TRIO: variants seen among roughly 807,000 people sequenced by gnomAD.
The protein encoded by TRIO is triple functional domain protein.
Under a neutral mutation model 351.9 loss-of-function variants are expected in TRIO, and 58 were observed. The ratio of observed to expected loss-of-function variants is 0.16; its 90% CI spans 0.13 to 0.21. The LOEUF is 0.21. Ranked by LOEUF, TRIO falls within the 10% of genes least tolerant of loss-of-function variation. The pLI, the probability that TRIO is intolerant of heterozygous loss-of-function variation, is 1.00. For missense variants in TRIO, 3,201 were observed against 4,027.8 expected (o/e 0.79, Z 5.56); for synonymous variants, 1,758 against 1,595.7 (o/e 1.10, Z -2.42).
chr5:14,508,003 G>A lies in TRIO; in HGVS notation c.8875G>A (p.Ala2959Thr), dbSNP rs780863165. The A allele has an allele frequency of 2.0e-5, 32 of 1,614,036 alleles. No individual in the cohort carries two copies. Among genetic ancestry groups the A allele is most frequent in the African/African-American group, 1.6e-4 (12 of 74,912 alleles). ...IHQLLGNPEF[A>T]APEIILGNPV... ...CCAGTTACTGGGGAACCCTGAATTC[G>A]CAGCCCCTGAAATCATCCTCGGGAA... The change falls in exon 57 of 57, where the codon GCA becomes ACA. Residue 2959 changes from alanine to threonine, a missense_variant. This residue lies in a region of TRIO where 233 missense variants were observed against 292.6 expected (regional missense o/e 0.80). Coordinates refer to ENST00000344204, the MANE Select transcript of TRIO (RefSeq NM_007118.4).
chr5:14,334,165 G>A lies in TRIO; in HGVS notation c.1855-2371G>A, dbSNP rs559223819. On this transcript the variant is annotated intron_variant, in intron 10 of 56. Coordinates refer to ENST00000344204, the MANE Select transcript of TRIO (RefSeq NM_007118.4). Reference sequence around the variant, plus strand: ...GTAGTATCCATGTCCTGCCGCTTTTGTGAGGCACAGTGTTAAGTGCCAAAA... The same window carrying A: ...GTAGTATCCATGTCCTGCCGCTTTTATGAGGCACAGTGTTAAGTGCCAAAA... Among the ~76,000 whole-genome samples the A allele has an allele frequency of 4.6e-5, 7 of 152,328 alleles. No homozygotes were observed. In the East Asian group the frequency reaches 1.4e-3, roughly 29 times the overall value.
intron 34 of TRIO, chr5:14,441,234 T>TC (rs1336664013): frequency 6.5e-6 from 1 of 152,736 alleles, no homozygotes; most frequent in Non-Finnish European, 1.5e-5. Context: ...TAGCCTCCAG[T>TC]CGGCTCCAGT....
intron 47 of TRIO, 84 bp downstream of exon 47, chr5:14,485,330 A>C (rs1376002566): frequency 1.4e-6 from 2 of 1,412,584 alleles, no homozygotes; most frequent in African/African-American, 2.9e-5. Flanking sequence ...ATTCATATCC[A>C]TAGTAATGAC....
At chr5:14,374,966 C>T (rs1317600388) in intron 19 of TRIO, among the ~76,000 whole-genome samples, 1 of 151,950 alleles carries the variant, frequency 6.6e-6, no homozygotes, top group East Asian at 1.9e-4. Context: ...GTAACTTTGA[C>T]CAGGGATACA....
At chr5:14,424,911 G>A (rs1447459801) in intron 34 of TRIO, among the ~76,000 whole-genome samples, 1 of 152,180 alleles carries the variant, frequency 6.6e-6, no homozygotes, top group Non-Finnish European at 1.5e-5. Context: ...CACCCGAATA[G>A]TTTACTTTTC....
At position 14,405,891 on chromosome 5, in the gene TRIO, G is replaced by A. The variant is rs753950455; in HGVS notation, c.4760G>A (p.Arg1587His). The A allele has an allele frequency of 3.1e-6, 5 of 1,613,826 alleles. No individual in the cohort carries two copies. The highest frequency in any genetic ancestry group is 1.1e-5 in the South Asian group (1 of 91,058). ...AAGCAGGACTGGATAAAGCATATCCGCGAAGTCATCCAGGAGCGGACGATC... is the reference window on the plus strand; with the variant it reads ...AAGCAGGACTGGATAAAGCATATCCACGAAGTCATCCAGGAGCGGACGATC... ...ENKQDWIKHI[R>H]EVIQERTIHL... The change falls in exon 32 of 57, where the codon CGC (arginine) becomes CAC (histidine). Residue 1587 changes from arginine (R) to histidine (H), a missense_variant. Arg to His is a conservative substitution (Grantham distance 29). Transcript: ENST00000344204.
intron 34 of TRIO, among the ~76,000 whole-genome samples, chr5:14,448,217 C>T (rs1465152793): frequency 2.0e-5 from 3 of 152,228 alleles, no homozygotes; most frequent in Non-Finnish European, 1.5e-5. Flanking sequence ...TTTGGGAACA[C>T]AGAGGATCAG....
At chr5:14,374,518 T>G (rs888785717) in intron 19 of TRIO, among the ~76,000 whole-genome samples, 175 bp downstream of exon 19, 1 of 152,202 alleles carries the variant, frequency 6.6e-6, no homozygotes, top group African/African-American at 2.4e-5. Flanking sequence ...TTAAACAAAT[T>G]TATAGGTTGA....
At chr5:14,398,115 A>C (rs1747767759) in intron 29 of TRIO, among the ~76,000 whole-genome samples, 1 of 151,978 alleles carries the variant, frequency 6.6e-6, no homozygotes, top group African/African-American at 2.4e-5. Flanking sequence ...GGGCTGGGGG[A>C]TGGAGTGCTT....
intron 1 of TRIO, among the ~76,000 whole-genome samples, chr5:14,201,728 C>G (rs1455760035): frequency 6.6e-6 from 1 of 152,080 alleles, no homozygotes; most frequent in Non-Finnish European, 1.5e-5. Flanking sequence ...AATTGTTCAT[C>G]TTTTTAAAAC....
At chr5:14,145,721 T>C (rs185765277) in intron 1 of TRIO, among the ~76,000 whole-genome samples, 1 of 152,172 alleles carries the variant, frequency 6.6e-6, no homozygotes, top group Non-Finnish European at 1.5e-5. Flanking sequence ...GAGACCAGGC[T>C]TTTTTACATC....
chr5:14,258,462 T>C (rs1170684961), intron 1 of TRIO, among the ~76,000 whole-genome samples: 2 of 152,204 alleles, frequency 1.3e-5, no homozygotes, highest in Non-Finnish European at 2.9e-5. Flanking sequence ...AAAACGATGT[T>C]CCCTGTGCTT....
intron 18 of TRIO, among the ~76,000 whole-genome samples, chr5:14,372,160 T>G (rs1745167228): frequency 6.8e-6 from 1 of 147,954 alleles, no homozygotes; most frequent in Non-Finnish European, 1.5e-5. Context: ...CATCCACAAT[T>G]TGTAGATTTT....
At chr5:14,382,004 A>C (rs1407579899) in intron 21 of TRIO, among the ~76,000 whole-genome samples, 1 of 152,164 alleles carries the variant, frequency 6.6e-6, no homozygotes, top group Admixed American at 6.5e-5. Flanking sequence ...TTTTCAAGTC[A>C]CCATTACAAC....
chr5:14,393,099 A>G (rs1747250405), intron 27 of TRIO, among the ~76,000 whole-genome samples: 1 of 152,036 alleles, frequency 6.6e-6, no homozygotes, highest in Admixed American at 6.5e-5. Context: ...TTGCAGGGAC[A>G]TAGATGAAGC....
chr5:14,421,558 C>T (rs1439643465), intron 34 of TRIO, among the ~76,000 whole-genome samples: 2 of 148,174 alleles, frequency 1.3e-5, no homozygotes, highest in East Asian at 2.0e-4. Context: ...GAGCAGAGAT[C>T]GCACCATTGC....
chr5:14,362,025 A>G (rs1178514089), intron 13 of TRIO, among the ~76,000 whole-genome samples: 2 of 152,076 alleles, frequency 1.3e-5, no homozygotes, highest in African/African-American at 4.8e-5. Context: ...GAGACAGGAG[A>G]ATTGCTTGAA....
At chr5:14,503,392 C>G (rs576679942) in intron 54 of TRIO, among the ~76,000 whole-genome samples, 1 of 152,246 alleles carries the variant, frequency 6.6e-6, no homozygotes, top group Non-Finnish European at 1.5e-5. Context: ...AAAAGTCACA[C>G]CAGCACATGC....
intron 13 of TRIO, among the ~76,000 whole-genome samples, chr5:14,363,299 C>T (rs535379631): frequency 1.3e-5 from 2 of 152,234 alleles, no homozygotes; most frequent in Non-Finnish European, 2.9e-5. Flanking sequence ...CACCCCCAGC[C>T]GATTTACTGT....
Sources: allele counts gnomAD v4.1 joint callset (sites outside exome capture counted in the v4.1 genomes callset), GRCh38; gene constraint gnomAD v4.1.1; regional missense constraint gnomAD v4.1.1; transcripts MANE v1.5; gene names NCBI Gene and HGNC (gene_info 2026-07-23, HGNC 2026-07-21).